The following SNAP91 variants were observed in gnomAD, a reference collection of about 807,000 sequenced individuals.
SNAP91 encodes synaptosome associated protein 91.
Under a neutral mutation model 100.3 loss-of-function variants are expected in SNAP91, and 27 were observed. The ratio of observed to expected loss-of-function variants is 0.27; its 90% CI spans 0.20 to 0.37. SNAP91 has a LOEUF of 0.37. SNAP91 is among the 10% of genes least tolerant of loss of function. The pLI is 1.00. For synonymous variants in SNAP91, 404 were observed against 398.6 expected, an observed-to-expected ratio of 1.01 and a Z score of -0.16; for missense variants, 986 against 1,123.7, an observed-to-expected ratio of 0.88 and a Z score of 1.75.
intron 16 of SNAP91, among the ~76,000 whole-genome samples, chr6:83,596,000 T>C (rs1053525695): frequency 1.1e-4 from 16 of 152,200 alleles, no homozygotes; most frequent in Non-Finnish European, 2.4e-4. Context: ...TATTCATATC[T>C]TATGGATTAA....
intron 27 of SNAP91, 46 bp downstream of exon 27, chr6:83,560,818 T>A: frequency 6.6e-7 from 1 of 1,520,108 alleles, no homozygotes; most frequent in Non-Finnish European, 9.1e-7. Flanking sequence ...TTTGGCAAAT[T>A]ATTTAGAAAT....
intron 14 of SNAP91, among the ~76,000 whole-genome samples, chr6:83,605,448 A>C (rs2128275604): frequency 6.6e-6 from 1 of 152,338 alleles, no homozygotes; most frequent in South Asian, 2.1e-4. Flanking sequence ...CCTTGTTCCA[A>C]CTGTTAAAAT....
intron 22 of SNAP91, among the ~76,000 whole-genome samples, chr6:83,584,539 T>G (rs116084708): frequency 6.6e-6 from 1 of 152,220 alleles, no homozygotes; most frequent in African/African-American, 2.4e-5. Flanking sequence ...TCTAAGAAAA[T>G]TAAAGGTAAG....
intron 13 of SNAP91, among the ~76,000 whole-genome samples, chr6:83,607,329 T>TTGTGTGTGTG (rs61335064): frequency 0.041 from 5,897 of 144,812 alleles, 195 homozygotes; most frequent in African/African-American, 0.088. Context: ...CCAAGTTGGG[T>TTGTGTGTGTG]TGTGTGTGTG....
intron 7 of SNAP91, among the ~76,000 whole-genome samples, chr6:83,655,508 G>A (rs1050096578): frequency 1.3e-5 from 2 of 152,176 alleles, no homozygotes; most frequent in African/African-American, 2.4e-5. Flanking sequence ...TTGGAGTAGG[G>A]CTATGTCTTC....
Position 83,592,797 on chromosome 6 carries a change from G to A in SNAP91, c.1846+149C>T, listed in dbSNP as rs534855726. The A allele has an allele frequency of 1.8e-5, 13 of 725,428 alleles. No individual in the cohort carries two copies. In the East Asian group the frequency reaches 1.9e-4, roughly 11 times the overall value. 44.9% of individuals were successfully genotyped at this position (725,428 alleles called of 1,614,324 possible). A position where few individuals can be genotyped will look rare whatever the true frequency, so the allele number is the denominator to read the frequency against. ...TAAATTTGAAATATTAACCCTCAAC[G>A]GTTGATGATGGTCCCAAGAGTGAGT... On this transcript the variant is annotated intron_variant, in intron 20 of 29. Coordinates refer to ENST00000369694, the MANE Select transcript of SNAP91 (RefSeq NM_001242792.2).
At chr6:83,590,352 C>T (rs1569924) in intron 22 of SNAP91, among the ~76,000 whole-genome samples, 6,389 of 152,196 alleles carry the variant, frequency 0.042, 413 homozygotes, top group East Asian at 0.19. Context: ...TAAGCACACA[C>T]TTTGTCTTGC....
At chr6:83,654,999 C>G (rs575687742) in intron 7 of SNAP91, among the ~76,000 whole-genome samples, 1 of 152,274 alleles carries the variant, frequency 6.6e-6, no homozygotes, top group Non-Finnish European at 1.5e-5. Flanking sequence ...ATATCAACCT[C>G]TTTGGCTGTC....
intron 2 of SNAP91, among the ~76,000 whole-genome samples, chr6:83,689,920 G>A (rs545877898): frequency 6.6e-6 from 1 of 151,774 alleles, no homozygotes; most frequent in Non-Finnish European, 1.5e-5. Flanking sequence ...TTCATCTTAA[G>A]TATATTACTA....
intron 1 of SNAP91, chr6:83,708,249 A>AC (rs1346456242): frequency 4.3e-5 from 12 of 279,948 alleles, no homozygotes; most frequent in Non-Finnish European, 5.9e-5. Flanking sequence ...CCCCCTGGGG[A>AC]CCCCCCTGTC....
At chr6:83,651,263 A>C (rs2098192745) in intron 7 of SNAP91, among the ~76,000 whole-genome samples, 4 of 151,622 alleles carry the variant, frequency 2.6e-5, no homozygotes, top group Admixed American at 2.6e-4. Flanking sequence ...TTACGCTCTA[A>C]TTCTTATTAT....
In SNAP91 at chr6:83,678,985, A is replaced by T. The variant is rs79640912; in HGVS notation, c.131-13404T>A. On this transcript the variant is annotated intron_variant, in intron 2 of 29. Transcript: ENST00000369694. ...ATACAGCTGGCCTTCTATATCCACA[A>T]GGTCCACATCCTCAGATTCAACCAA... is the stretch of plus-strand genomic sequence containing the variant. 1,761 of 720,990 alleles carry T rather than the reference A, an allele frequency of 2.4e-3. 33 individuals are homozygous for T. In the African/African-American group the frequency reaches 0.031, roughly 13 times the overall value. The allele number at this position is 720,990 out of a possible 1,614,324, so 44.7% of individuals were successfully genotyped here. A position where few individuals can be genotyped will look rare whatever the true frequency, so the allele number is the denominator to read the frequency against.
At chr6:83,608,711 A>C (rs75401602) in intron 12 of SNAP91, among the ~76,000 whole-genome samples, 2 of 152,252 alleles carry the variant, frequency 1.3e-5, no homozygotes, top group African/African-American at 2.4e-5. Context: ...GAAAAAAAAA[A>C]CTGAGGAGAT....
intron 2 of SNAP91, among the ~76,000 whole-genome samples, chr6:83,687,347 C>G (rs1348262825): frequency 1.3e-5 from 2 of 152,054 alleles, no homozygotes; most frequent in Admixed American, 6.6e-5. Flanking sequence ...TAATAATATC[C>G]TACATGGGCC....
intron 7 of SNAP91, among the ~76,000 whole-genome samples, chr6:83,642,156 A>C (rs1220400256): frequency 3.1e-5 from 3 of 95,688 alleles, no homozygotes; most frequent in Non-Finnish European, 6.1e-5. Context: ...CATGGTTTAA[A>C]ATATGCTATT....
intron 26 of SNAP91, among the ~76,000 whole-genome samples, chr6:83,569,122 T>C (rs1040544676): frequency 6.6e-6 from 1 of 152,218 alleles, no homozygotes; most frequent in South Asian, 2.1e-4. Context: ...AAACTAAGAA[T>C]TAATAAAGAT....
intron 6 of SNAP91, among the ~76,000 whole-genome samples, chr6:83,658,526 G>A (rs1025125202): frequency 1.8e-4 from 28 of 152,074 alleles, no homozygotes; most frequent in African/African-American, 3.4e-4. Context: ...GGAGAATGGC[G>A]TGAACCCAGG....
chr6:83,561,343 C>T (rs1787312209), intron 26 of SNAP91, among the ~76,000 whole-genome samples: 1 of 152,128 alleles, frequency 6.6e-6, no homozygotes, highest in African/African-American at 2.4e-5. Flanking sequence ...CTGTACCAAG[C>T]CGAACATAAT....
chr6:83,581,219 A>G (rs560711386), intron 23 of SNAP91, among the ~76,000 whole-genome samples: 2 of 152,342 alleles, frequency 1.3e-5, no homozygotes, highest in South Asian at 2.1e-4. Context: ...AACATCTGAT[A>G]TAACAGTCAG....
Sources: gnomAD v4.1 joint callset for allele counts (sites outside exome capture counted in the v4.1 genomes callset) on GRCh38, gnomAD v4.1.1 for gene constraint, MANE v1.5 for transcripts, NCBI Gene and HGNC (gene_info 2026-07-23, HGNC 2026-07-21) for gene names.